Variants in ZC3H12B observed in about 807,000 individuals in gnomAD.
ZC3H12B encodes the protein probable ribonuclease ZC3H12B.
Under a neutral mutation model 43.9 loss-of-function variants are expected in ZC3H12B, and 7 were observed. The ratio of observed to expected loss-of-function variants is 0.16; its 90% CI spans 0.09 to 0.30. ZC3H12B has a LOEUF of 0.30. ZC3H12B is among the 10% of genes least tolerant of loss of function. The pLI is 1.00. For synonymous variants in ZC3H12B, 222 were observed against 241.7 expected (o/e 0.92, Z 0.76); for missense variants, 475 against 670.2 (o/e 0.71, Z 3.22).
intron 2 of ZC3H12B, among the ~76,000 whole-genome samples, chrX:65,397,654 A>G (rs1273313730): frequency 9.0e-6 from 1 of 111,447 alleles, no homozygotes; most frequent in Non-Finnish European, 1.9e-5. Context: ...GGCATATACA[A>G]TAGACCCATA....
At chrX:65,466,691 T>G (rs2067821443) in intron 3 of ZC3H12B, among the ~76,000 whole-genome samples, 1 of 105,690 alleles carries the variant, frequency 9.5e-6, no homozygotes, top group African/African-American at 3.4e-5. Flanking sequence ...CCCAACAGTA[T>G]ACAAAGGTTC....
chrX:65,127,617 A>T, the ZC3H12B span, among the ~76,000 whole-genome samples: 36 of 111,183 alleles, frequency 3.2e-4, no homozygotes, highest in East Asian at 0.01. Context: ...TTTGGCTACC[A>T]GGGTAGGTAG....
At chrX:65,062,509 A>G in the ZC3H12B span, among the ~76,000 whole-genome samples, 7 of 111,371 alleles carry the variant, frequency 6.3e-5, no homozygotes, top group Non-Finnish European at 9.4e-5. Flanking sequence ...GTTCTGTAAC[A>G]TTTGTCTATA....
chrX:65,340,768 C>G, the ZC3H12B span, among the ~76,000 whole-genome samples: 1 of 112,490 alleles, frequency 8.9e-6, no homozygotes, highest in African/African-American at 3.2e-5. Flanking sequence ...AGAACCAGTG[C>G]AAGGACTGTG....
intron 3 of ZC3H12B, chrX:65,408,044 G>A (rs762836332): frequency 1.4e-4 from 162 of 1,152,329 alleles, no homozygotes; most frequent in Non-Finnish European, 1.8e-4. Flanking sequence ...CCGGAGAATT[G>A]AGTTGCCGGG....
At chrX:65,111,528 G>T in the ZC3H12B span, among the ~76,000 whole-genome samples, 1 of 105,056 alleles carries the variant, frequency 9.5e-6, no homozygotes. Flanking sequence ...TGCAAGTATT[G>T]CAATTTTTAT....
chrX:65,441,210 A>C (rs1224643963), intron 3 of ZC3H12B, among the ~76,000 whole-genome samples: 1 of 111,773 alleles, frequency 8.9e-6, no homozygotes, highest in Non-Finnish European at 1.9e-5. Context: ...CAGAAGTTAT[A>C]ATTGGTTGAA....
chrX:65,135,833 G>A, the ZC3H12B span, among the ~76,000 whole-genome samples: 2 of 103,185 alleles, frequency 1.9e-5, no homozygotes, highest in East Asian at 3.0e-4. Flanking sequence ...ATTCTGTTGA[G>A]CACATCCATT....
chrX:65,132,867 G>A, the ZC3H12B span, among the ~76,000 whole-genome samples: 2 of 111,270 alleles, frequency 1.8e-5, no homozygotes, highest in African/African-American at 6.5e-5. Flanking sequence ...TGATGGTCTA[G>A]GAGGCTTCCG....
chrX:65,225,828 A>T, the ZC3H12B span, among the ~76,000 whole-genome samples: 4 of 111,887 alleles, frequency 3.6e-5, no homozygotes, highest in African/African-American at 1.3e-4. Flanking sequence ...TTAGAGAAAA[A>T]AGAACAAAAA....
chrX:65,140,702 G>A, the ZC3H12B span, among the ~76,000 whole-genome samples: 2 of 111,689 alleles, frequency 1.8e-5, no homozygotes, highest in Non-Finnish European at 3.8e-5. Context: ...CAGTTCTTGG[G>A]CTTTCCTTTG....
chrX:65,404,237 A>G (rs771119205), intron 3 of ZC3H12B, among the ~76,000 whole-genome samples: 1 of 112,049 alleles, frequency 8.9e-6, no homozygotes, highest in Non-Finnish European at 1.9e-5. Flanking sequence ...AAAAATTACA[A>G]TGGAAACAGA....
At chrX:65,380,721 G>T (rs927660912) in intron 2 of ZC3H12B, among the ~76,000 whole-genome samples, 4 of 111,289 alleles carry the variant, frequency 3.6e-5, no homozygotes, top group East Asian at 2.8e-4. Flanking sequence ...CCATCTCACG[G>T]GCAGAGACAC....
chrX:65,135,819 C>A, the ZC3H12B span, among the ~76,000 whole-genome samples: 3 of 97,701 alleles, frequency 3.1e-5, no homozygotes, highest in Admixed American at 3.5e-4. Flanking sequence ...TCATCATCCT[C>A]TTCATTCTGT....
At chrX:65,053,126 A>G in the ZC3H12B span, among the ~76,000 whole-genome samples, 9,122 of 109,663 alleles carry the variant, frequency 0.083, 1,017 homozygotes, top group African/African-American at 0.29. Context: ...TTTTAATTAT[A>G]CTTTAAGTTT....
the ZC3H12B span, among the ~76,000 whole-genome samples, chrX:65,061,440 G>A: frequency 8.9e-6 from 1 of 112,210 alleles, no homozygotes; most frequent in Non-Finnish European, 1.9e-5. Context: ...TCCTGTGTCA[G>A]TTTGCTGAGA....
chrX:65,352,639 C>T, the ZC3H12B span, among the ~76,000 whole-genome samples: 1 of 110,920 alleles, frequency 9.0e-6, no homozygotes, highest in African/African-American at 3.3e-5. Flanking sequence ...TTTTACTGTG[C>T]TTCACTTCCT....
intron 3 of ZC3H12B, among the ~76,000 whole-genome samples, chrX:65,450,000 T>A (rs1407332008): frequency 1.8e-5 from 2 of 110,859 alleles, no homozygotes; most frequent in Non-Finnish European, 3.8e-5. Context: ...CCAAAAGCTA[T>A]TGAAATAAAA....
At chrX:65,229,029 A>T in the ZC3H12B span, among the ~76,000 whole-genome samples, 1 of 111,177 alleles carries the variant, frequency 9.0e-6, no homozygotes, top group African/African-American at 3.3e-5. Context: ...ATTGGAAAAA[A>T]CTACTTTAAA....
Sources: gnomAD v4.1 joint callset for allele counts (sites outside exome capture counted in the v4.1 genomes callset) on GRCh38, gnomAD v4.1.1 for gene constraint, MANE v1.5 for transcripts, NCBI Gene and HGNC (gene_info 2026-07-23, HGNC 2026-07-21) for gene names.